SLC16A7: variants seen among roughly 807,000 people sequenced by gnomAD.
SLC16A7 encodes solute carrier family 16 member 7, also known as monocarboxylate transporter 2.
SLC16A7 carries 33 observed loss-of-function variants against 34.9 expected under a neutral mutation model. The observed-to-expected ratio is 0.94, with a 90% CI of 0.72 to 1.26. SLC16A7 has a LOEUF of 1.26. SLC16A7 is among the 50% of genes most tolerant of loss of function. SLC16A7 has a pLI of 0.00. For synonymous variants in SLC16A7, 201 were observed against 206.6 expected, an observed-to-expected ratio of 0.97 and a Z score of 0.23; for missense variants, 573 against 578.1, an observed-to-expected ratio of 0.99 and a Z score of 0.09.
rs1257996548 is a variant in SLC16A7, at chr12:59,774,847, A to G, written c.552A>G (p.Leu184=). Residue 184 remains leucine, a synonymous_variant, in exon 5 of 6, where the codon CTA becomes CTG. Coordinates refer to ENST00000547379, the MANE Select transcript of SLC16A7 (RefSeq NM_001270623.2). ...WKGSFLILGS[L]LLNACVAGSL... is the part of the protein sequence containing the mutation. Reference sequence around the variant, plus strand: ...GAAGCTTCCTGATTTTGGGAAGTCTACTTTTGAATGCCTGTGTGGCTGGTT... The same window carrying G: ...GAAGCTTCCTGATTTTGGGAAGTCTGCTTTTGAATGCCTGTGTGGCTGGTT... 3 of 1,613,778 alleles carry G rather than the reference A, an allele frequency of 1.9e-6. No individual in the cohort carries two copies. In the African/African-American group the frequency reaches 4.0e-5, roughly 22 times the overall value.
At chr12:59,621,575 G>A (rs543713564) in intron 1 of SLC16A7, among the ~76,000 whole-genome samples, 52 of 151,882 alleles carry the variant, frequency 3.4e-4, no homozygotes, top group Non-Finnish European at 6.6e-4. Context: ...TTGTTTTCCT[G>A]TCATTCTTAG....
intron 3 of SLC16A7, chr12:59,720,217 C>G (rs1034683260): frequency 6.7e-6 from 4 of 598,458 alleles, no homozygotes; most frequent in Non-Finnish European, 1.2e-5. Context: ...TTAATTGTTA[C>G]TTATGTATTT....
intron 2 of SLC16A7, among the ~76,000 whole-genome samples, chr12:59,674,458 CCATAT>C (rs1457494296): frequency 6.6e-6 from 1 of 152,128 alleles, no homozygotes; most frequent in Non-Finnish European, 1.5e-5. Context: ...GACAGGTAAT[CCATAT>C]CACTAGGTTC....
rs138084772 is a variant in SLC16A7 at position 59,712,628 on chromosome 12, A to T, written c.217+7610A>T. On this transcript the variant is annotated intron_variant, in intron 3 of 5. Transcript: ENST00000547379. The stretch of plus-strand genomic sequence containing the variant: ...AGAAACTACTGATGTGTAGAAGCAG[A>T]TTCCTCAAGAAAAACATTCAGATGA... 2.6e-5 allele frequency among the ~76,000 whole-genome samples: 4 copies of T among 152,340 alleles called. No homozygotes were observed. The East Asian group carries it at 7.7e-4, about 29-fold the overall frequency.
intron 3 of SLC16A7, among the ~76,000 whole-genome samples, chr12:59,727,857 T>A (rs1592587503): frequency 6.6e-6 from 1 of 152,178 alleles, no homozygotes; most frequent in East Asian, 1.9e-4. Context: ...TTTATGACCA[T>A]GCAGTATATA....
intron 1 of SLC16A7, among the ~76,000 whole-genome samples, chr12:59,599,102 A>T (rs1030121233): frequency 6.6e-6 from 1 of 152,182 alleles, no homozygotes; most frequent in Non-Finnish European, 1.5e-5. Flanking sequence ...GAAGCTAAAT[A>T]AGAGCAAAGA....
At chr12:59,634,644 T>C (rs901636697) in intron 1 of SLC16A7, among the ~76,000 whole-genome samples, 1 of 152,000 alleles carries the variant, frequency 6.6e-6, no homozygotes, top group Admixed American at 6.6e-5. Flanking sequence ...CAATGCTATA[T>C]CAAAGGTGTA....
intron 3 of SLC16A7, among the ~76,000 whole-genome samples, chr12:59,712,891 A>G (rs1874407100): frequency 6.6e-6 from 1 of 152,154 alleles, no homozygotes; most frequent in South Asian, 2.1e-4. Flanking sequence ...ACTAGGATAT[A>G]TGATAGATAC....
chr12:59,601,573 T>C (rs1836616093), intron 1 of SLC16A7, among the ~76,000 whole-genome samples: 1 of 152,204 alleles, frequency 6.6e-6, no homozygotes, highest in Non-Finnish European at 1.5e-5. Context: ...TGTAGGACTG[T>C]CTCTTTCATT....
At chr12:59,636,726 T>C (rs899341223) in intron 1 of SLC16A7, among the ~76,000 whole-genome samples, 1 of 152,142 alleles carries the variant, frequency 6.6e-6, no homozygotes, top group African/African-American at 2.4e-5. Flanking sequence ...AAGTAGTACA[T>C]ACATTTGGAG....
chr12:59,716,150 A>T (rs922284853), intron 3 of SLC16A7, among the ~76,000 whole-genome samples: 1 of 152,200 alleles, frequency 6.6e-6, no homozygotes, highest in Non-Finnish European at 1.5e-5. Flanking sequence ...GCCTTGAATT[A>T]TTCTGATTAG....
intron 2 of SLC16A7, among the ~76,000 whole-genome samples, chr12:59,665,525 G>T (rs942306665): frequency 6.6e-6 from 1 of 151,756 alleles, no homozygotes; most frequent in African/African-American, 2.4e-5. Flanking sequence ...TAATATTATG[G>T]TATGATATGA....
At chr12:59,766,972 T>A (rs570061091) in intron 3 of SLC16A7, among the ~76,000 whole-genome samples, 2 of 152,194 alleles carry the variant, frequency 1.3e-5, no homozygotes, top group African/African-American at 2.4e-5. Flanking sequence ...GGGCTTTTTT[T>A]GGTTGGTAAG....
intron 3 of SLC16A7, among the ~76,000 whole-genome samples, chr12:59,716,713 G>A (rs1874948752): frequency 6.6e-6 from 1 of 152,110 alleles, no homozygotes; most frequent in Non-Finnish European, 1.5e-5. Context: ...CTGGGGTATG[G>A]TGGTGTGTGC....
In SLC16A7 at chr12:59,774,838, G is replaced by A. The variant is rs1198927072; in HGVS notation, c.543G>A (p.Leu181=). Residue 181 remains leucine (L), a synonymous_variant, in exon 5 of 6, where the codon TTG becomes TTA. Transcript: ENST00000547379. The part of the protein sequence containing the change: ...TFGWKGSFLI[L]GSLLLNACVA... ...GCTGGAAAGGAAGCTTCCTGATTTTGGGAAGTCTACTTTTGAATGCCTGTG... is the reference window on the plus strand; with the variant it reads ...GCTGGAAAGGAAGCTTCCTGATTTTAGGAAGTCTACTTTTGAATGCCTGTG... 2 of 1,613,820 alleles carry A rather than the reference G, an allele frequency of 1.2e-6. No individual in the cohort carries two copies. Among genetic ancestry groups the A allele is most frequent in the South Asian group, 2.2e-5 (2 of 91,060 alleles).
At chr12:59,718,283 A>G (rs893219099) in intron 3 of SLC16A7, among the ~76,000 whole-genome samples, 4 of 152,134 alleles carry the variant, frequency 2.6e-5, no homozygotes, top group African/African-American at 4.8e-5. Flanking sequence ...TTTTAAGTAA[A>G]GAGCCTGCAT....
intron 2 of SLC16A7, among the ~76,000 whole-genome samples, chr12:59,696,878 C>T (rs1872361381): frequency 6.6e-6 from 1 of 151,846 alleles, no homozygotes; most frequent in Admixed American, 6.6e-5. Flanking sequence ...GCCTTGCACC[C>T]TGGAACCCAT....
intron 3 of SLC16A7, among the ~76,000 whole-genome samples, chr12:59,724,494 T>C (rs1875999205): frequency 6.6e-6 from 1 of 152,092 alleles, no homozygotes. Flanking sequence ...CAACATATAT[T>C]TCTAAGTAAA....
chr12:59,771,188 T>G, intron 3 of SLC16A7, 31 bp from the exon 4 acceptor site: 5 of 1,585,464 alleles, frequency 3.2e-6, no homozygotes, highest in Non-Finnish European at 4.3e-6. Context: ...CAAGAGCAAC[T>G]GAGTATTTCT....
Sources: gnomAD v4.1 joint callset for allele counts (sites outside exome capture counted in the v4.1 genomes callset) on GRCh38, gnomAD v4.1.1 for gene constraint, MANE v1.5 for transcripts, NCBI Gene and HGNC (gene_info 2026-07-23, HGNC 2026-07-21) for gene names.